TSC22D1: variants seen among roughly 807,000 people sequenced by gnomAD.
TSC22D1 encodes TSC22 domain family protein 1.
A neutral mutation model predicts 74.2 loss-of-function variants in TSC22D1; 9 were observed. The observed-to-expected ratio is 0.12, with a 90% CI of 0.07 to 0.21. The LOEUF is 0.21. Among genes scored for constraint, TSC22D1 ranks in the 10% least tolerant of loss-of-function variants. TSC22D1 has a pLI of 1.00. For synonymous variants in TSC22D1, 586 were observed against 492.5 expected (o/e 1.19, Z -2.51); for missense variants, 1,427 against 1,304.7 (o/e 1.09, Z -1.44).
In TSC22D1 at chr13:44,574,198, T is replaced by C. The variant is rs1369546118; in HGVS notation, c.1877A>G (p.Gln626Arg). The change falls in exon 1 of 3, where the codon CAG (glutamine) becomes CGG (arginine). Residue 626 changes from glutamine (Q) to arginine (R), a missense_variant. Physicochemically the swap from Gln to Arg is conservative, Grantham distance 43 (BLOSUM62 1). Transcript: ENST00000458659. ...TPLPGAPPPQ[Q>R]LQYGQQQPMV... The stretch of plus-strand genomic sequence containing the variant: ...TGGTTGCTGTTGTCCATACTGTAAC[T>C]GTTGGGGTGGTGGTGCCCCTGGAAG... 1 of 1,614,216 alleles carries C rather than the reference T, an allele frequency of 6.2e-7. No homozygotes were observed. Among genetic ancestry groups the C allele is most frequent in the Non-Finnish European group, 8.5e-7 (1 of 1,180,030 alleles).
At chr13:44,504,190 T>G (rs1295891765) in intron 1 of TSC22D1, among the ~76,000 whole-genome samples, 2 of 150,790 alleles carry the variant, frequency 1.3e-5, no homozygotes, top group African/African-American at 4.9e-5. Context: ...AAAGCAAGCC[T>G]GTATTTAATG....
intron 1 of TSC22D1, among the ~76,000 whole-genome samples, chr13:44,533,613 A>G (rs1179577656): frequency 6.6e-6 from 1 of 151,932 alleles, no homozygotes; most frequent in Non-Finnish European, 1.5e-5. Context: ...GTGAAGCCCC[A>G]TCTCTACAAA....
Position 44,576,039 on chromosome 13 carries a change from G to T in TSC22D1, c.36C>A (p.Ala12=), listed in dbSNP as rs1321399300. 1.9e-6 allele frequency: 3 copies of T among 1,571,994 alleles called. No homozygotes were observed. Among genetic ancestry groups the T allele is most frequent in the Non-Finnish European group, 1.7e-6 (2 of 1,160,410 alleles). The change falls in exon 1 of 3, where the codon GCC becomes GCA. Residue 12 remains alanine (A), a synonymous_variant. Coordinates refer to ENST00000458659, the MANE Select transcript of TSC22D1 (RefSeq NM_183422.4). Reference sequence around the variant, plus strand: ...TCCTAGCGCTAATGTCTGCAGCGGCGGCGGCCGCGGCGGTGGACTCAGGCG... The same window carrying T: ...TCCTAGCGCTAATGTCTGCAGCGGCTGCGGCCGCGGCGGTGGACTCAGGCG... The part of the protein sequence containing the change: ...HQPPESTAAA[A]AAADISARKM...
rs113451691 is a variant in TSC22D1, at chr13:44,548,003, T to A, written c.2912+25160A>T. 1.4e-3 allele frequency among the ~76,000 whole-genome samples: 215 copies of A among 152,300 alleles called. 1 individual carries two copies. Among genetic ancestry groups the A allele is most frequent in the African/African-American group, 4.8e-3 (199 of 41,552 alleles). ...TTTATATATATTGCCTCATTCAATC[T>A]TTAGCATAACCCTATCATATATGGA... On this transcript the variant is annotated intron_variant, in intron 1 of 2. Transcript: ENST00000458659.
chr13:44,532,301 C>T (rs1260679080), intron 1 of TSC22D1, among the ~76,000 whole-genome samples: 1 of 152,122 alleles, frequency 6.6e-6, no homozygotes, highest in Non-Finnish European at 1.5e-5. Flanking sequence ...AGAATCTCAA[C>T]ATGCATAAAA....
At chr13:44,539,073 C>T (rs1376228103) in intron 1 of TSC22D1, 1 of 985,168 alleles carries the variant, frequency 1.0e-6, no homozygotes, top group East Asian at 1.1e-4. Context: ...TAAGAGAAAA[C>T]CATCTTAATG....
chr13:44,478,775 G>A (rs1878039988), intron 1 of TSC22D1, among the ~76,000 whole-genome samples: 1 of 152,116 alleles, frequency 6.6e-6, no homozygotes, highest in African/African-American at 2.4e-5. Flanking sequence ...AGAGAGCCCA[G>A]TATGCAGACA....
intron 1 of TSC22D1, among the ~76,000 whole-genome samples, chr13:44,555,317 G>T (rs1386892059): frequency 6.6e-6 from 1 of 151,604 alleles, no homozygotes; most frequent in Non-Finnish European, 1.5e-5. Flanking sequence ...AGACTAATAA[G>T]AAATACGTAG....
At chr13:44,444,949 G>C (rs985326093) in intron 1 of TSC22D1, among the ~76,000 whole-genome samples, 9 of 151,976 alleles carry the variant, frequency 5.9e-5, no homozygotes, top group Non-Finnish European at 1.3e-4. Context: ...AAAACCTCAA[G>C]CTCAAATGGT....
At chr13:44,533,974 G>A (rs1257490073) in intron 1 of TSC22D1, among the ~76,000 whole-genome samples, 1 of 152,188 alleles carries the variant, frequency 6.6e-6, no homozygotes, top group Non-Finnish European at 1.5e-5. Context: ...CAGGCCAGGA[G>A]CAGTAGCCCA....
intron 1 of TSC22D1, among the ~76,000 whole-genome samples, chr13:44,528,311 C>T (rs1043752086): frequency 1.3e-5 from 2 of 151,884 alleles, no homozygotes; most frequent in Non-Finnish European, 2.9e-5. Context: ...AAACATAAAA[C>T]AAATGTAAAA....
intron 1 of TSC22D1, among the ~76,000 whole-genome samples, chr13:44,517,798 TAC>T (rs1177800811): frequency 8.6e-6 from 1 of 115,756 alleles, no homozygotes; most frequent in African/African-American, 3.1e-5. Context: ...TACATATATA[TAC>T]ACACATATAT....
chr13:44,505,035 T>C (rs1210441946), intron 1 of TSC22D1, among the ~76,000 whole-genome samples: 1 of 152,236 alleles, frequency 6.6e-6, no homozygotes, highest in Non-Finnish European at 1.5e-5. Flanking sequence ...TTGCCTAATG[T>C]GAATCGTAGT....
chr13:44,478,097 A>T (rs1878008764), intron 1 of TSC22D1, among the ~76,000 whole-genome samples: 1 of 152,060 alleles, frequency 6.6e-6, no homozygotes, highest in African/African-American at 2.4e-5. Flanking sequence ...ATGTCTATAG[A>T]TTCCTTGGGA....
At chr13:44,533,318 TGG>T (rs1386203138) in intron 1 of TSC22D1, among the ~76,000 whole-genome samples, 27 of 150,632 alleles carry the variant, frequency 1.8e-4, no homozygotes, top group Admixed American at 7.3e-4. Flanking sequence ...AAAAATTAGC[TGG>T]GCATGGTGGT....
intron 1 of TSC22D1, among the ~76,000 whole-genome samples, chr13:44,569,360 A>G (rs1883596096): frequency 6.6e-6 from 1 of 152,216 alleles, no homozygotes; most frequent in African/African-American, 2.4e-5. Context: ...AGAGACTGGG[A>G]GGTAAATACC....
intron 1 of TSC22D1, among the ~76,000 whole-genome samples, chr13:44,438,444 T>G (rs1187292730): frequency 6.6e-6 from 1 of 152,164 alleles, no homozygotes; most frequent in Admixed American, 6.6e-5. Context: ...TGGGGGTAGG[T>G]AGATTTGGTT....
At chr13:44,509,950 C>CAAAAAAAAAAAAAAAAAAAAAAAAAAAA in intron 1 of TSC22D1, among the ~76,000 whole-genome samples, 4 of 51,424 alleles carry the variant, frequency 7.8e-5, no homozygotes, top group Non-Finnish European at 1.4e-4. Flanking sequence ...AGAAAATAAG[C>CAAAAAAAAAAAAAAAAAAAAAAAAAAAA]AAAAAAAAAA....
chr13:44,508,748 TC>T (rs1879551856), intron 1 of TSC22D1, among the ~76,000 whole-genome samples: 1 of 152,082 alleles, frequency 6.6e-6, no homozygotes, highest in South Asian at 2.1e-4. Flanking sequence ...CACACCACTG[TC>T]CCCTTGCTCC....
Sources: gnomAD v4.1 joint callset for allele counts (sites outside exome capture counted in the v4.1 genomes callset) on GRCh38, gnomAD v4.1.1 for gene constraint, MANE v1.5 for transcripts, NCBI Gene and HGNC (gene_info 2026-07-23, HGNC 2026-07-21) for gene names.